HS6ST2: variants seen among roughly 807,000 people sequenced by gnomAD.
HS6ST2 encodes heparan-sulfate 6-O-sulfotransferase 2.
In HS6ST2, 17 loss-of-function variants were observed where a neutral mutation model predicts 33.0. The ratio of observed to expected loss-of-function variants is 0.52; its 90% confidence interval spans 0.35 to 0.77. The LOEUF is 0.77. HS6ST2 is among the 30% of genes least tolerant of loss of function. HS6ST2 has a pLI of 0.01. For synonymous variants in HS6ST2, 248 were observed against 237.1 expected (o/e 1.05, Z -0.42); for missense variants, 519 against 551.7 (o/e 0.94, Z 0.59).
At chrX:132,670,824 A>T (rs1325134990) in intron 3 of HS6ST2, among the ~76,000 whole-genome samples, 2 of 111,936 alleles carry the variant, frequency 1.8e-5, no homozygotes, top group Non-Finnish European at 1.9e-5. Flanking sequence ...AGAATAAAAC[A>T]AAACAAAAAA....
intron 2 of HS6ST2, among the ~76,000 whole-genome samples, chrX:132,727,320 T>G (rs1416986463): frequency 1.8e-5 from 2 of 110,198 alleles, no homozygotes; most frequent in Non-Finnish European, 3.8e-5. Flanking sequence ...GTCTCCTATG[T>G]GCTGGGAATG....
At chrX:132,770,807 T>C (rs893166915) in intron 2 of HS6ST2, among the ~76,000 whole-genome samples, 30 of 111,384 alleles carry the variant, frequency 2.7e-4, no homozygotes, top group Non-Finnish European at 5.1e-4. Context: ...GCAGTGTGGC[T>C]AATACAACAC....
At chrX:132,828,613 C>A (rs1038919966) in intron 2 of HS6ST2, among the ~76,000 whole-genome samples, 2 of 99,450 alleles carry the variant, frequency 2.0e-5, no homozygotes, top group African/African-American at 3.7e-5. Context: ...GTGGAGACAC[C>A]GACTGGGCAC....
At chrX:132,859,278 T>G (rs1472546069) in intron 2 of HS6ST2, among the ~76,000 whole-genome samples, 1 of 111,659 alleles carries the variant, frequency 9.0e-6, no homozygotes, top group Admixed American at 9.6e-5. Flanking sequence ...TACAGTGCCA[T>G]TGAAAACACA....
intron 2 of HS6ST2, among the ~76,000 whole-genome samples, chrX:132,736,344 GAGTGTCCCA>G (rs775992621): frequency 3.6e-5 from 4 of 111,920 alleles, no homozygotes; most frequent in Non-Finnish European, 7.5e-5. Flanking sequence ...AAAGTCTCCT[GAGTGTCCCA>G]TCAAAGGAAT....
chrX:132,836,800 G>A (rs1410408580), intron 2 of HS6ST2, among the ~76,000 whole-genome samples: 1 of 112,440 alleles, frequency 8.9e-6, no homozygotes, highest in Non-Finnish European at 1.9e-5. Flanking sequence ...AGTGAGTTTA[G>A]GTTGGTTAGT....
chrX:132,693,133 G>A (rs771495898), intron 3 of HS6ST2, among the ~76,000 whole-genome samples: 14 of 112,084 alleles, frequency 1.2e-4, no homozygotes, highest in Middle Eastern at 4.6e-3. Flanking sequence ...CTCATATGAC[G>A]AATATGGTAG....
chrX:132,845,855 C>T (rs1001756327), intron 2 of HS6ST2, among the ~76,000 whole-genome samples: 2 of 111,290 alleles, frequency 1.8e-5, no homozygotes, highest in Admixed American at 9.6e-5. Context: ...TTTTCTCAGC[C>T]CCTAACAGAA....
At chrX:132,922,328 G>A (rs2066660457) in intron 2 of HS6ST2, among the ~76,000 whole-genome samples, 1 of 112,130 alleles carries the variant, frequency 8.9e-6, no homozygotes, top group South Asian at 3.7e-4. Context: ...TTCCTAGGCA[G>A]ATGTGGATAG....
chrX:132,934,950 C>T (rs1015035935), intron 2 of HS6ST2, among the ~76,000 whole-genome samples: 1 of 110,843 alleles, frequency 9.0e-6, no homozygotes, highest in African/African-American at 3.3e-5. Flanking sequence ...GAAACAAGAA[C>T]CACAAGAAAT....
At chrX:132,823,276 A>AT (rs1393465496) in intron 2 of HS6ST2, among the ~76,000 whole-genome samples, 5 of 111,188 alleles carry the variant, frequency 4.5e-5, no homozygotes, top group Non-Finnish European at 7.5e-5. Context: ...TATTTTTTTA[A>AT]TTTTTTTATT....
At chrX:132,709,752 T>C (rs758342057) in intron 2 of HS6ST2, among the ~76,000 whole-genome samples, 14 of 107,739 alleles carry the variant, frequency 1.3e-4, no homozygotes, top group Non-Finnish European at 2.3e-4. Context: ...GAGGCTATGA[T>C]CCCTTCCACA....
chrX:132,932,398 G>A (rs1391505056), intron 2 of HS6ST2, among the ~76,000 whole-genome samples: 2 of 111,568 alleles, frequency 1.8e-5, no homozygotes, highest in Admixed American at 1.9e-4. Context: ...TTATCCCACT[G>A]TGACTCTGCA....
intron 2 of HS6ST2, among the ~76,000 whole-genome samples, chrX:132,894,367 C>T (rs1417219390): frequency 9.1e-6 from 1 of 109,510 alleles, no homozygotes; most frequent in Non-Finnish European, 1.9e-5. Flanking sequence ...TCACAAACTC[C>T]TGACGTCAGG....
intron 4 of HS6ST2, among the ~76,000 whole-genome samples, chrX:132,657,391 C>T (rs1446360649): frequency 1.8e-5 from 2 of 109,794 alleles, no homozygotes; most frequent in East Asian, 5.9e-4. Context: ...AATGAATAGT[C>T]GGTGAGACAC....
At chrX:132,854,730 TA>T (rs750396954) in intron 2 of HS6ST2, among the ~76,000 whole-genome samples, 1 of 112,663 alleles carries the variant, frequency 8.9e-6, no homozygotes, top group African/African-American at 3.2e-5. Flanking sequence ...AAAGATCTTT[TA>T]AGTGCTCATT....
At chrX:132,642,686 G>T (rs904896048) in intron 4 of HS6ST2, among the ~76,000 whole-genome samples, 3 of 111,910 alleles carry the variant, frequency 2.7e-5, no homozygotes, top group Admixed American at 9.5e-5. Context: ...ATACTGGGTG[G>T]TGAAAAAAAC....
intron 4 of HS6ST2, among the ~76,000 whole-genome samples, chrX:132,663,245 T>C (rs1478671462): frequency 8.9e-6 from 1 of 112,662 alleles, no homozygotes; most frequent in Non-Finnish European, 1.9e-5. Context: ...CTAGGTTAAA[T>C]ATCAAAGCAT....
At chrX:132,917,523 C>T (rs1166770469) in intron 2 of HS6ST2, among the ~76,000 whole-genome samples, 1 of 110,172 alleles carries the variant, frequency 9.1e-6, no homozygotes. Flanking sequence ...TCGCTTGAAC[C>T]CGGGAACCGG....
Sources: gnomAD v4.1 joint callset for allele counts (sites outside exome capture counted in the v4.1 genomes callset) on GRCh38, gnomAD v4.1.1 for gene constraint, MANE v1.5 for transcripts, NCBI Gene and HGNC (gene_info 2026-07-23, HGNC 2026-07-21) for gene names.